SPAG16: variants seen among roughly 807,000 people sequenced by gnomAD.
The protein encoded by SPAG16 is sperm associated antigen 16.
In SPAG16, 86 loss-of-function variants were observed where a neutral mutation model predicts 80.4. That is an observed-to-expected ratio of 1.07 (90% CI 0.90 to 1.28). The LOEUF (loss-of-function observed/expected upper bound fraction) is 1.28. Among genes scored for constraint, SPAG16 ranks in the 50% most tolerant of loss-of-function variants. The pLI, the probability that SPAG16 is intolerant of heterozygous loss-of-function variation, is 0.00. For synonymous variants in SPAG16, 294 were observed against 265.9 expected (o/e 1.11, Z -1.03); for missense variants, 870 against 765.3 (o/e 1.14, Z -1.61).
intron 12 of SPAG16, among the ~76,000 whole-genome samples, chr2:213,965,924 T>G (rs1026396850): frequency 1.3e-5 from 2 of 152,208 alleles, no homozygotes; most frequent in East Asian, 3.8e-4. Context: ...TCTGTAGGAA[T>G]ACTTTCATTC....
At chr2:213,761,062 T>C (rs1046726203) in intron 10 of SPAG16, among the ~76,000 whole-genome samples, 19 of 152,210 alleles carry the variant, frequency 1.2e-4, no homozygotes, top group African/African-American at 4.6e-4. Context: ...TTTCAACATA[T>C]GAATTTTAGG....
Position 213,594,268 on chromosome 2 carries a change from C to T in SPAG16, c.1070+104178C>T, listed in dbSNP as rs147073634. 3.5e-3 allele frequency among the ~76,000 whole-genome samples: 538 copies of T among 152,224 alleles called. 6 individuals carry two copies. The highest frequency in any genetic ancestry group is 0.012 in the African/African-American group (506 of 41,544). Reference sequence around the variant, plus strand: ...CCTCTTCAATCTAACCTTTGTTTTCCACCCAGTGGTAGCTCTTTCAAAGAA... The same window carrying T: ...CCTCTTCAATCTAACCTTTGTTTTCTACCCAGTGGTAGCTCTTTCAAAGAA... On this transcript the variant is annotated intron_variant, in intron 10 of 15. Coordinates refer to ENST00000331683, the MANE Select transcript of SPAG16 (RefSeq NM_024532.5).
intron 15 of SPAG16, among the ~76,000 whole-genome samples, chr2:214,405,833 T>C (rs1400597795): frequency 6.6e-6 from 1 of 152,122 alleles, no homozygotes; most frequent in Non-Finnish European, 1.5e-5. Flanking sequence ...CAATTCAACC[T>C]TCTGTGAGTC....
chr2:214,259,473 C>CTT (rs5838423), intron 15 of SPAG16, among the ~76,000 whole-genome samples: 1 of 91,228 alleles, frequency 1.1e-5, no homozygotes, highest in African/African-American at 4.2e-5. Context: ...ACACGTATAG[C>CTT]TTTTTTTTTT....
At chr2:213,976,135 T>TATATATATATATATACACAC (rs749957411) in intron 12 of SPAG16, among the ~76,000 whole-genome samples, 2 of 81,408 alleles carry the variant, frequency 2.5e-5, no homozygotes, top group African/African-American at 7.6e-5. Context: ...TATATATATA[T>TATATATATATATATACACAC]ACACACACAC....
intron 7 of SPAG16, among the ~76,000 whole-genome samples, chr2:213,362,358 A>G (rs767754285): frequency 5.8e-4 from 88 of 152,228 alleles, no homozygotes; most frequent in Non-Finnish European, 9.7e-4. Context: ...CGAGTAATAT[A>G]TGTTGATAAT....
intron 15 of SPAG16, among the ~76,000 whole-genome samples, chr2:214,324,461 C>T (rs962402952): frequency 6.6e-6 from 1 of 152,184 alleles, no homozygotes; most frequent in Non-Finnish European, 1.5e-5. Context: ...AAGATTTCCT[C>T]TCTAAGAATA....
intron 13 of SPAG16, among the ~76,000 whole-genome samples, chr2:214,099,776 T>C (rs2052866952): frequency 6.6e-6 from 1 of 152,046 alleles, no homozygotes; most frequent in South Asian, 2.1e-4. Context: ...TAAAATATAG[T>C]TAATAAAAAT....
At chr2:213,855,395 T>C (rs2075104528) in intron 10 of SPAG16, among the ~76,000 whole-genome samples, 1 of 152,220 alleles carries the variant, frequency 6.6e-6, no homozygotes. Context: ...TGACCTCGGG[T>C]GGATCACTTA....
intron 10 of SPAG16, among the ~76,000 whole-genome samples, chr2:213,847,693 A>G (rs1241682669): frequency 6.6e-6 from 1 of 152,196 alleles, no homozygotes; most frequent in Non-Finnish European, 1.5e-5. Flanking sequence ...GTGCATTCTT[A>G]TGCCTACATA....
chr2:214,394,213 T>C (rs1372240373), intron 15 of SPAG16, among the ~76,000 whole-genome samples: 9 of 152,134 alleles, frequency 5.9e-5, no homozygotes, highest in Admixed American at 5.9e-4. Flanking sequence ...GCTTTTTTTC[T>C]CTCTCTCTTT....
At chr2:213,908,454 A>G (rs1380908042) in intron 11 of SPAG16, among the ~76,000 whole-genome samples, 1 of 152,180 alleles carries the variant, frequency 6.6e-6, no homozygotes, top group African/African-American at 2.4e-5. Flanking sequence ...AATATTTTTC[A>G]GGTTTGTGTG....
At chr2:214,254,118 G>GGATGCTTGCAAT (rs202179529) in intron 15 of SPAG16, among the ~76,000 whole-genome samples, 1 of 152,084 alleles carries the variant, frequency 6.6e-6, no homozygotes, top group Admixed American at 6.6e-5. Context: ...TTGGTGTCTG[G>GGATGCTTGCAAT]TTTTGCACAT....
chr2:213,610,023 G>A (rs776193836), intron 10 of SPAG16, among the ~76,000 whole-genome samples: 11 of 151,868 alleles, frequency 7.2e-5, no homozygotes, highest in Non-Finnish European at 1.2e-4. Context: ...ACTAGATCCC[G>A]CTGTCACTCT....
intron 10 of SPAG16, among the ~76,000 whole-genome samples, chr2:213,519,320 C>T (rs560324518): frequency 6.6e-6 from 1 of 152,326 alleles, no homozygotes; most frequent in Admixed American, 6.5e-5. Flanking sequence ...GGTGTCCCCA[C>T]CCAAATCTCA....
At chr2:214,088,175 C>T (rs1180893919) in intron 13 of SPAG16, among the ~76,000 whole-genome samples, 1 of 151,738 alleles carries the variant, frequency 6.6e-6, no homozygotes, top group Non-Finnish European at 1.5e-5. Flanking sequence ...AGGATGGAAG[C>T]ACTCACATTG....
At chr2:213,853,917 C>CCG (rs1196685541) in intron 10 of SPAG16, among the ~76,000 whole-genome samples, 1 of 152,128 alleles carries the variant, frequency 6.6e-6, no homozygotes, top group African/African-American at 2.4e-5. Context: ...ATCTTCAGCT[C>CCG]CGCATGCCCA....
At chr2:213,468,558 T>G (rs1206726564) in intron 9 of SPAG16, among the ~76,000 whole-genome samples, 1 of 131,036 alleles carries the variant, frequency 7.6e-6, no homozygotes, top group African/African-American at 3.7e-5. Context: ...TATTTATATA[T>G]AGAGATATAT....
chr2:213,523,497 G>A (rs1228865053), intron 10 of SPAG16, among the ~76,000 whole-genome samples: 1 of 152,200 alleles, frequency 6.6e-6, no homozygotes, highest in Non-Finnish European at 1.5e-5. Context: ...CTGAAGCTGG[G>A]TAACAGGCAG....
Sources: allele counts gnomAD v4.1 joint callset (sites outside exome capture counted in the v4.1 genomes callset), GRCh38; gene constraint gnomAD v4.1.1; transcripts MANE v1.5; gene names NCBI Gene and HGNC (gene_info 2026-07-23, HGNC 2026-07-21).